The following MTUS2 variants were observed in gnomAD, a reference collection of about 807,000 sequenced individuals.
MTUS2 encodes microtubule associated scaffold protein 2, also known as microtubule-associated tumor suppressor candidate 2.
A neutral mutation model predicts 114.1 loss-of-function variants in MTUS2; 40 were observed. That is an observed-to-expected ratio of 0.35 (90% CI 0.27 to 0.46). The LOEUF is 0.46. MTUS2 is among the 20% of genes least tolerant of loss of function. MTUS2 has a pLI of 1.00. For missense variants in MTUS2, 1,679 were observed against 1,705.4 expected, an observed-to-expected ratio of 0.98 and a Z score of 0.27; for synonymous variants, 688 against 672.0, an observed-to-expected ratio of 1.02 and a Z score of -0.37.
chr13:28,894,173 G>A (rs1245896112), intron 2 of MTUS2, among the ~76,000 whole-genome samples: 1 of 150,664 alleles, frequency 6.6e-6, no homozygotes, highest in East Asian at 2.0e-4. Context: ...TAACATGATG[G>A]TATTGGAGAT....
intron 6 of MTUS2, among the ~76,000 whole-genome samples, chr13:29,320,980 A>G (rs2139670757): frequency 6.6e-6 from 1 of 152,354 alleles, no homozygotes; most frequent in South Asian, 2.1e-4. Context: ...GAGAGAAAAT[A>G]TAGGACAGAG....
chr13:29,256,533 AC>A (rs1443487275), intron 5 of MTUS2, among the ~76,000 whole-genome samples: 2 of 152,226 alleles, frequency 1.3e-5, no homozygotes, highest in Non-Finnish European at 2.9e-5. Flanking sequence ...CTATCGTCAC[AC>A]TTTCATGTCC....
chr13:29,367,191 T>C (rs568541457), intron 8 of MTUS2, among the ~76,000 whole-genome samples: 392 of 151,928 alleles, frequency 2.6e-3, no homozygotes, highest in Non-Finnish European at 4.7e-3. Context: ...TAGGGGCGCC[T>C]TGAGAGAGGA....
chr13:29,194,485 CAT>C (rs949969868), intron 5 of MTUS2, among the ~76,000 whole-genome samples: 5 of 152,138 alleles, frequency 3.3e-5, no homozygotes, highest in African/African-American at 1.2e-4. Flanking sequence ...CCAAAAAACA[CAT>C]GAAAAAATGC....
chr13:28,987,608 C>G (rs1421182115), intron 2 of MTUS2, among the ~76,000 whole-genome samples: 1 of 152,152 alleles, frequency 6.6e-6, no homozygotes. Context: ...GGGGCCGTCC[C>G]TGAGACACAT....
At chr13:29,490,985 A>ATGTGTGTGTGTGTG (rs71090259) in intron 11 of MTUS2, among the ~76,000 whole-genome samples, 3,190 of 148,258 alleles carry the variant, frequency 0.022, 45 homozygotes, top group African/African-American at 0.025. Flanking sequence ...AGAAGTGTGG[A>ATGTGTGTGTGTGTG]TGTGTGTGTG....
At chr13:29,460,386 C>T (rs1165014294) in intron 9 of MTUS2, among the ~76,000 whole-genome samples, 4 of 152,190 alleles carry the variant, frequency 2.6e-5, no homozygotes, top group African/African-American at 9.7e-5. Flanking sequence ...CCCCCAATCC[C>T]GCCCATTACT....
chr13:29,268,153 C>T (rs1169036138), intron 5 of MTUS2, among the ~76,000 whole-genome samples: 1 of 152,034 alleles, frequency 6.6e-6, no homozygotes, highest in Non-Finnish European at 1.5e-5. Context: ...CCCTAGTTCC[C>T]CACCCCCTGA....
chr13:29,366,248 C>T (rs985104887), intron 8 of MTUS2, among the ~76,000 whole-genome samples: 1 of 152,174 alleles, frequency 6.6e-6, no homozygotes. Context: ...AGGTGAAAGG[C>T]ACATCTCACA....
intron 8 of MTUS2, among the ~76,000 whole-genome samples, chr13:29,382,580 T>G (rs1872297845): frequency 6.6e-6 from 1 of 152,190 alleles, no homozygotes; most frequent in Admixed American, 6.5e-5. Flanking sequence ...CTGTACAGTT[T>G]GTGGTGCCTT....
chr13:29,205,147 A>G (rs981621571), intron 5 of MTUS2, among the ~76,000 whole-genome samples: 30 of 152,380 alleles, frequency 2.0e-4, no homozygotes, highest in African/African-American at 7.2e-4. Flanking sequence ...AATGAACACA[A>G]TAAACTTGGA....
At chr13:29,332,863 C>T (rs1900859231) in intron 7 of MTUS2, among the ~76,000 whole-genome samples, 1 of 152,086 alleles carries the variant, frequency 6.6e-6, no homozygotes, top group African/African-American at 2.4e-5. Context: ...TCTTGATCTC[C>T]TGACCTCGTG....
chr13:29,094,973 C>A (rs1056373065), intron 4 of MTUS2, among the ~76,000 whole-genome samples: 1 of 152,110 alleles, frequency 6.6e-6, no homozygotes, highest in East Asian at 1.9e-4. Flanking sequence ...GAGAATTACC[C>A]AAATTTCCTT....
chr13:29,182,803 G>C (rs1289312745), intron 5 of MTUS2, among the ~76,000 whole-genome samples: 1 of 152,198 alleles, frequency 6.6e-6, no homozygotes, highest in African/African-American at 2.4e-5. Context: ...GTGAAGGTGT[G>C]GAAAAGGTGA....
intron 5 of MTUS2, among the ~76,000 whole-genome samples, chr13:29,253,023 G>A (rs776981542): frequency 6.6e-6 from 1 of 151,692 alleles, no homozygotes; most frequent in Non-Finnish European, 1.5e-5. Context: ...AAGAGAATTG[G>A]ATGTTTATAC....
intron 4 of MTUS2, among the ~76,000 whole-genome samples, chr13:29,057,300 T>C (rs898741670): frequency 6.6e-6 from 1 of 152,080 alleles, no homozygotes; most frequent in African/African-American, 2.4e-5. Context: ...TTGGTAGATA[T>C]ATGTTAGGCC....
At chr13:29,145,571 T>C (rs1178042781) in intron 5 of MTUS2, among the ~76,000 whole-genome samples, 2 of 152,148 alleles carry the variant, frequency 1.3e-5, no homozygotes, top group African/African-American at 4.8e-5. Flanking sequence ...CCAAGGCCAT[T>C]TCCAATGTTC....
chr13:29,441,184 G>A lies in MTUS2; in HGVS notation c.3184+1135G>A, dbSNP rs140100478. ...TACTGCTGCAGGGACACCTACACCC[G>A]GACACCCCTTCTCCCCCACCAGGAG... On this transcript the variant is annotated intron_variant, in intron 9 of 15. Transcript: ENST00000612955. Among the ~76,000 whole-genome samples, 550 of 151,992 alleles carry A rather than the reference G, an allele frequency of 3.6e-3. 6 individuals are homozygous for A. Among genetic ancestry groups the A allele is most frequent in the African/African-American group, 0.013 (522 of 41,436 alleles).
intron 5 of MTUS2, among the ~76,000 whole-genome samples, chr13:29,224,267 A>G (rs1896021050): frequency 1.3e-5 from 2 of 152,200 alleles, no homozygotes; most frequent in South Asian, 2.1e-4. Flanking sequence ...CCTTGGCAAT[A>G]TATTGTAATT....
Sources: allele counts gnomAD v4.1 joint callset (sites outside exome capture counted in the v4.1 genomes callset), GRCh38; gene constraint gnomAD v4.1.1; transcripts MANE v1.5; gene names NCBI Gene and HGNC (gene_info 2026-07-23, HGNC 2026-07-21).